Variants in NXN observed in about 807,000 individuals in gnomAD.
The protein encoded by NXN is nucleoredoxin 1.
In NXN, 16 loss-of-function variants were observed where a neutral mutation model predicts 48.6. The ratio of observed to expected loss-of-function variants is 0.33; its 90% CI spans 0.22 to 0.50. The LOEUF is 0.50. Ranked by LOEUF, NXN falls within the 20% of genes least tolerant of loss-of-function variation. The pLI is 0.98. For synonymous variants in NXN, 281 were observed against 269.6 expected (o/e 1.04, Z -0.41); for missense variants, 492 against 605.5 (o/e 0.81, Z 1.97).
At chr17:946,799 G>A (rs530589038) in intron 1 of NXN, among the ~76,000 whole-genome samples, 2 of 152,342 alleles carry the variant, frequency 1.3e-5, no homozygotes, top group East Asian at 3.9e-4. Context: ...AAATGGGGGT[G>A]ATCACGCCAA....
chr17:929,135 C>T (rs544001316), intron 1 of NXN, among the ~76,000 whole-genome samples: 227 of 152,324 alleles, frequency 1.5e-3, no homozygotes, highest in African/African-American at 5.3e-3. Context: ...AGTTTGTTAG[C>T]TTGAAAAATC....
intron 1 of NXN, among the ~76,000 whole-genome samples, chr17:869,362 T>G (rs2144802147): frequency 6.6e-6 from 1 of 152,238 alleles, no homozygotes; most frequent in Middle Eastern, 3.4e-3. Context: ...TCATGCTCTC[T>G]GATCCAGGAG....
chr17:862,390 G>A (rs1295201161), intron 1 of NXN, among the ~76,000 whole-genome samples: 2 of 152,190 alleles, frequency 1.3e-5, no homozygotes, highest in Non-Finnish European at 2.9e-5. Flanking sequence ...TGGGTGTGGT[G>A]GCCCATGCCT....
chr17:828,752 A>G (rs893182670), intron 1 of NXN, among the ~76,000 whole-genome samples: 2 of 152,184 alleles, frequency 1.3e-5, no homozygotes, highest in Non-Finnish European at 2.9e-5. Flanking sequence ...TTGGTACAGA[A>G]TTCAGATTAA....
chr17:871,140 C>T (rs1054847819), intron 1 of NXN, among the ~76,000 whole-genome samples: 1 of 151,992 alleles, frequency 6.6e-6, no homozygotes, highest in Non-Finnish European at 1.5e-5. Context: ...GGATTACAGG[C>T]GTGAGCCACC....
chr17:943,900 T>C (rs528831400), intron 1 of NXN, among the ~76,000 whole-genome samples: 1 of 152,000 alleles, frequency 6.6e-6, no homozygotes, highest in South Asian at 2.1e-4. Context: ...AAATAATGTT[T>C]TTTAAAAGTT....
At chr17:856,318 C>T (rs1026543751) in intron 1 of NXN, among the ~76,000 whole-genome samples, 1 of 152,150 alleles carries the variant, frequency 6.6e-6, no homozygotes, top group Non-Finnish European at 1.5e-5. Flanking sequence ...AAAGCCTCTG[C>T]AAACACAAAA....
intron 1 of NXN, among the ~76,000 whole-genome samples, chr17:941,019 T>C (rs867300016): frequency 1.7e-4 from 23 of 138,632 alleles, no homozygotes; most frequent in African/African-American, 5.3e-4. Flanking sequence ...GGATTTACAG[T>C]GAACAAGATT....
intron 1 of NXN, among the ~76,000 whole-genome samples, chr17:909,125 A>C (rs983163788): frequency 1.3e-5 from 2 of 150,614 alleles, no homozygotes; most frequent in Non-Finnish European, 1.5e-5. Context: ...AAAAAAAAAA[A>C]AACACTCCCT....
intron 4 of NXN, among the ~76,000 whole-genome samples, 159 bp from the exon 5 acceptor site, chr17:819,704 A>C (rs1597627151): frequency 6.6e-6 from 1 of 151,878 alleles, no homozygotes; most frequent in African/African-American, 2.4e-5. Flanking sequence ...GTGTTATTCT[A>C]CCCCGGCTGG....
At chr17:869,136 C>T (rs539304090) in intron 1 of NXN, among the ~76,000 whole-genome samples, 94 of 152,282 alleles carry the variant, frequency 6.2e-4, no homozygotes, top group Non-Finnish European at 1.1e-3. Flanking sequence ...ACCCCACTGA[C>T]CAGACAGTTC....
At chr17:885,721 C>A (rs1266689039) in intron 1 of NXN, among the ~76,000 whole-genome samples, 3 of 136,366 alleles carry the variant, frequency 2.2e-5, no homozygotes, top group Non-Finnish European at 4.6e-5. Flanking sequence ...CGCTCTGTCC[C>A]CCAGGCTGGA....
At chr17:885,219 T>C (rs2068330268) in intron 1 of NXN, among the ~76,000 whole-genome samples, 1 of 152,134 alleles carries the variant, frequency 6.6e-6, no homozygotes, top group Non-Finnish European at 1.5e-5. Flanking sequence ...ATCCCAGCAT[T>C]TTGGGAGGCC....
At chr17:856,973 C>T (rs2067992603) in intron 1 of NXN, among the ~76,000 whole-genome samples, 1 of 152,166 alleles carries the variant, frequency 6.6e-6, no homozygotes, top group African/African-American at 2.4e-5. Flanking sequence ...TACACGTCAC[C>T]CAGTTCCAGA....
intron 1 of NXN, among the ~76,000 whole-genome samples, chr17:918,155 C>A (rs1368290540): frequency 3.3e-5 from 5 of 152,178 alleles, no homozygotes; most frequent in Admixed American, 2.6e-4. Context: ...CTCAATATCA[C>A]CTCCCCCAAA....
At chr17:843,977 G>A (rs538141335) in intron 1 of NXN, among the ~76,000 whole-genome samples, 2 of 152,360 alleles carry the variant, frequency 1.3e-5, no homozygotes, top group Admixed American at 6.5e-5. Context: ...GAGGGAAAAC[G>A]GTCATTCCCT....
chr17:896,835 A>G, intron 1 of NXN: 1 of 1,180,916 alleles, frequency 8.5e-7, no homozygotes, highest in Non-Finnish European at 1.1e-6. Context: ...AAGATGCTAA[A>G]ATGGACCACG....
At chr17:922,818 ACT>A (rs2068761719) in intron 1 of NXN, among the ~76,000 whole-genome samples, 2 of 116,170 alleles carry the variant, frequency 1.7e-5, no homozygotes. Flanking sequence ...CACCCGGCTA[ACT>A]TTTTGTATTT....
rs371091546 is a variant in NXN, at chr17:803,687, C to T, written c.1120G>A (p.Gly374Arg). Residue 374 changes from glycine to arginine, a missense_variant, in exon 7 of 8, where the codon GGG becomes AGG. By Grantham distance (125) the Gly-to-Arg change is moderately radical (BLOSUM62 -2). Transcript: ENST00000336868. ...EEAPLLFFVAGEDDMTDSLRD... is the reference protein window; with the variant it reads ...EEAPLLFFVAREDDMTDSLRD... Reference sequence around the variant, plus strand: ...AGCCTCTCCTCCGCACTCACCTCCCCGGCTACGAAGAACAGAAGGGGTGCC... The same window carrying T: ...AGCCTCTCCTCCGCACTCACCTCCCTGGCTACGAAGAACAGAAGGGGTGCC... 93 of 1,614,016 alleles carry T rather than the reference C, an allele frequency of 5.8e-5. No individual in the cohort carries two copies. The highest frequency in any genetic ancestry group is 1.3e-4 in the African/African-American group (10 of 74,932).
Sources: gnomAD v4.1 joint callset for allele counts (sites outside exome capture counted in the v4.1 genomes callset) on GRCh38, gnomAD v4.1.1 for gene constraint, MANE v1.5 for transcripts, NCBI Gene and HGNC (gene_info 2026-07-23, HGNC 2026-07-21) for gene names.